The following ACOXL variants were observed in gnomAD, a reference collection of about 807,000 sequenced individuals.
ACOXL encodes acyl-CoA oxidase like.
A neutral mutation model predicts 71.9 loss-of-function variants in ACOXL; 70 were observed. That is an observed-to-expected ratio of 0.97 (90% CI 0.80 to 1.19). The LOEUF is 1.19. Ranked by LOEUF, ACOXL falls within the 50% of genes most tolerant of loss-of-function variation. ACOXL has a pLI of 0.00. For synonymous variants in ACOXL, 253 were observed against 281.6 expected, an observed-to-expected ratio of 0.90 and a Z score of 1.02; for missense variants, 703 against 736.3, an observed-to-expected ratio of 0.95 and a Z score of 0.52.
At chr2:111,092,726 C>A in intron 16 of ACOXL, 139 bp from the exon 17 acceptor site, 1 of 616,206 alleles carries the variant, frequency 1.6e-6, no homozygotes, top group Non-Finnish European at 2.9e-6. Flanking sequence ...AAAACATGGC[C>A]ATTTTACATT....
chr2:110,865,106 C>G (rs1694399442), intron 10 of ACOXL, among the ~76,000 whole-genome samples: 1 of 152,216 alleles, frequency 6.6e-6, no homozygotes, highest in Admixed American at 6.5e-5. Context: ...TCAGGGCCTT[C>G]AGGAGAATTT....
chr2:110,985,571 C>G (rs1166070941), intron 12 of ACOXL, among the ~76,000 whole-genome samples: 2 of 152,254 alleles, frequency 1.3e-5, no homozygotes, highest in African/African-American at 4.8e-5. Context: ...GCCTCGAATG[C>G]AGATGCCCAG....
rs573356457 is a variant in ACOXL at position 111,018,262 on chromosome 2, C to T, written c.1282-13365C>T. On this transcript the variant is annotated intron_variant, in intron 14 of 17. Transcript: ENST00000439055. ...CAGCGGGGAGGGAGGAGGCACATAC[C>T]GTGGGGTGGGCTTGGTGCATAGGGG... 6.6e-5 allele frequency among the ~76,000 whole-genome samples: 10 copies of T among 151,986 alleles called. No homozygotes were observed. The East Asian group carries it at 1.7e-3, about 27-fold the overall frequency.
chr2:110,832,292 A>G (rs886342309), intron 9 of ACOXL, among the ~76,000 whole-genome samples: 2 of 152,110 alleles, frequency 1.3e-5, no homozygotes, highest in African/African-American at 4.8e-5. Flanking sequence ...TAATCCCAGC[A>G]CTTTGGGAGG....
chr2:111,095,062 G>T (rs540398031), intron 17 of ACOXL, among the ~76,000 whole-genome samples: 6 of 152,172 alleles, frequency 3.9e-5, no homozygotes, highest in Non-Finnish European at 8.8e-5. Flanking sequence ...AAGTCACAGT[G>T]CCAGCACAGA....
intron 5 of ACOXL, chr2:110,796,069 A>G (rs939659256): frequency 6.6e-6 from 1 of 151,930 alleles, no homozygotes. Flanking sequence ...CTGACATAGC[A>G]GGAATGTATT....
intron 10 of ACOXL, among the ~76,000 whole-genome samples, chr2:110,900,355 G>A (rs1286488289): frequency 2.6e-5 from 4 of 152,086 alleles, no homozygotes; most frequent in South Asian, 2.1e-4. Flanking sequence ...GAGCAGCATC[G>A]CAGGTAATTT....
chr2:110,765,242 A>G (rs777954517), intron 1 of ACOXL, among the ~76,000 whole-genome samples: 29 of 152,128 alleles, frequency 1.9e-4, no homozygotes, highest in African/African-American at 6.5e-4. Context: ...AAATTTAATT[A>G]TGATGTTTCT....
At chr2:110,772,779 C>G (rs1378631197) in intron 2 of ACOXL, among the ~76,000 whole-genome samples, 1 of 152,184 alleles carries the variant, frequency 6.6e-6, no homozygotes, top group African/African-American at 2.4e-5. Flanking sequence ...CTTTCAGGTG[C>G]TATGTGGAAA....
chr2:111,100,388 C>G (rs2069064889), intron 17 of ACOXL: 1 of 152,580 alleles, frequency 6.6e-6, no homozygotes, highest in African/African-American at 2.4e-5. Flanking sequence ...ACTCCACCTC[C>G]CAGGGAACGT....
chr2:110,885,555 A>G (rs2149115237), intron 10 of ACOXL, among the ~76,000 whole-genome samples: 1 of 152,306 alleles, frequency 6.6e-6, no homozygotes, highest in African/African-American at 2.4e-5. Flanking sequence ...GGTATAAAGT[A>G]TGTAAAGGCT....
chr2:111,031,706 C>T lies in ACOXL; in HGVS notation c.1361C>T (p.Thr454Ile). 1 of 1,614,176 alleles carries T rather than the reference C, an allele frequency of 6.2e-7. No individual in the cohort carries two copies. Among genetic ancestry groups the T allele is most frequent in the African/African-American group, 1.3e-5 (1 of 75,038 alleles). Reference sequence around the variant, plus strand: ...GTGGCTTCTCTGTCCCTGGCACACACTCACCGAGGTCAGTTGGCTCCTGTT... The same window carrying T: ...GTGGCTTCTCTGTCCCTGGCACACATTCACCGAGGTCAGTTGGCTCCTGTT... ...HHVASLSLAH[T>I]HRVTLEQFSL... is the part of the protein sequence containing the mutation. Residue 454 changes from threonine to isoleucine, a missense_variant, in exon 15 of 18, where the codon ACT (threonine) becomes ATT (isoleucine). Thr to Ile is a moderately conservative substitution (Grantham distance 89). Transcript: ENST00000439055.
chr2:110,915,744 A>T (rs187720986), intron 11 of ACOXL, among the ~76,000 whole-genome samples: 89 of 151,972 alleles, frequency 5.9e-4, no homozygotes, highest in East Asian at 5.4e-3. Context: ...TATATTTTTT[A>T]TATTACTAGA....
intron 9 of ACOXL, among the ~76,000 whole-genome samples, chr2:110,838,544 A>G (rs1052837751): frequency 6.6e-6 from 1 of 152,124 alleles, no homozygotes; most frequent in East Asian, 1.9e-4. Flanking sequence ...GGCATTTGCT[A>G]TGGTACAGAA....
At chr2:110,910,008 G>T (rs970089169) in intron 11 of ACOXL, among the ~76,000 whole-genome samples, 8 of 152,062 alleles carry the variant, frequency 5.3e-5, no homozygotes, top group African/African-American at 1.9e-4. Context: ...TGCATACAGT[G>T]AAATGCATAG....
At chr2:111,068,822 T>C (rs1261374289) in intron 16 of ACOXL, among the ~76,000 whole-genome samples, 1 of 152,246 alleles carries the variant, frequency 6.6e-6, no homozygotes, top group African/African-American at 2.4e-5. Flanking sequence ...CAGCTCATTC[T>C]GGCCTTTCTT....
intron 10 of ACOXL, 147 bp downstream of exon 10, chr2:110,841,552 G>A (rs1193940636): frequency 1.6e-6 from 1 of 639,588 alleles, no homozygotes; most frequent in African/African-American, 1.8e-5. Context: ...CTAGTTGCTT[G>A]ATTGGCAAGA....
chr2:110,888,317 TG>T (rs367690306), intron 10 of ACOXL, among the ~76,000 whole-genome samples: 625 of 152,338 alleles, frequency 4.1e-3, no homozygotes, highest in Middle Eastern at 0.01. Flanking sequence ...TTGGCTTTAC[TG>T]GGACTTGGTT....
At chr2:110,846,551 T>C (rs1691857292) in intron 10 of ACOXL, among the ~76,000 whole-genome samples, 1 of 151,990 alleles carries the variant, frequency 6.6e-6, no homozygotes, top group Non-Finnish European at 1.5e-5. Context: ...TATGCAGTGG[T>C]GCTTCAGCTG....
Sources: allele counts gnomAD v4.1 joint callset (sites outside exome capture counted in the v4.1 genomes callset), GRCh38; gene constraint gnomAD v4.1.1; transcripts MANE v1.5; gene names NCBI Gene and HGNC (gene_info 2026-07-23, HGNC 2026-07-21).